The following VANGL2 variants were observed in gnomAD, a reference collection of about 807,000 sequenced individuals.
The protein encoded by VANGL2 is vang-like protein 2.
A neutral mutation model predicts 50.2 loss-of-function variants in VANGL2; 14 were observed. The ratio of observed to expected loss-of-function variants is 0.28; its 90% CI spans 0.18 to 0.44. The LOEUF (loss-of-function observed/expected upper bound fraction) is 0.44. Among genes scored for constraint, VANGL2 ranks in the 20% least tolerant of loss-of-function variants. VANGL2 has a pLI of 1.00. For synonymous variants in VANGL2, 295 were observed against 297.2 expected, an observed-to-expected ratio of 0.99 and a Z score of 0.08; for missense variants, 533 against 701.5, an observed-to-expected ratio of 0.76 and a Z score of 2.71.
In VANGL2 at chr1:160,421,083, T is replaced by G. The variant is rs746290561; in HGVS notation, c.969T>G (p.Ser323=). ...ENSTNNSTGQ[S]RAVIAAAARR... is the part of the protein sequence containing the mutation. ...GCACCAACAACTCCACTGGCCAGTC[T>G]CGGGCTGTGATTGCAGCGGCAGCTC... The change falls in exon 6 of 8, where the codon TCT becomes TCG. Residue 323 remains serine, a synonymous_variant. Transcript: ENST00000368061. 7 of 1,614,164 alleles carry G rather than the reference T, an allele frequency of 4.3e-6. No homozygotes were observed. Among genetic ancestry groups the G allele is most frequent in the Non-Finnish European group, 5.9e-6 (7 of 1,180,030 alleles).
chr1:160,409,366 C>T (rs994252551), intron 1 of VANGL2, among the ~76,000 whole-genome samples: 3 of 152,116 alleles, frequency 2.0e-5, no homozygotes, highest in Admixed American at 6.5e-5. Flanking sequence ...TTGAGGTTGT[C>T]CCTCTAAGGC....
intron 4 of VANGL2, 143 bp from the exon 5 acceptor site, chr1:160,420,268 A>G: frequency 9.1e-7 from 1 of 1,095,418 alleles, no homozygotes. Flanking sequence ...AGTAGACCTC[A>G]GGCCCGGAGT....
At chr1:160,414,331 T>A (rs1172171430) in intron 1 of VANGL2, among the ~76,000 whole-genome samples, 1 of 152,224 alleles carries the variant, frequency 6.6e-6, no homozygotes, top group Non-Finnish European at 1.5e-5. Context: ...CCTTTGTTGG[T>A]TCTTTAAATA....
intron 1 of VANGL2, among the ~76,000 whole-genome samples, chr1:160,413,053 T>G (rs558114365): frequency 7.9e-5 from 12 of 152,200 alleles, no homozygotes; most frequent in Non-Finnish European, 1.8e-4. Context: ...AGGTACATTC[T>G]ATGATGTTCC....
chr1:160,425,199 G>C lies in VANGL2; in HGVS notation c.1387G>C (p.Val463Leu). The change falls in exon 8 of 8, where the codon GTG becomes CTG. Residue 463 changes from valine to leucine, a missense_variant. By Grantham distance (32) the Val-to-Leu change is conservative. Coordinates refer to ENST00000368061, the MANE Select transcript of VANGL2 (RefSeq NM_020335.3). ...CTGGCTGGCCAAACAGTGGACATTG[G>C]TGAGCGAGGAGCCGGTGACCAACGG... is the stretch of plus-strand genomic sequence containing the variant. The part of the protein sequence containing the change: ...ERWLAKQWTL[V>L]SEEPVTNGLK... The C allele has an allele frequency of 1.2e-6, 2 of 1,614,150 alleles. No homozygotes were observed. The highest frequency in any genetic ancestry group is 1.7e-6 in the Non-Finnish European group (2 of 1,180,028).
chr1:160,406,401 G>A (rs1467295313), intron 1 of VANGL2, among the ~76,000 whole-genome samples: 1 of 152,196 alleles, frequency 6.6e-6, no homozygotes, highest in Non-Finnish European at 1.5e-5. Flanking sequence ...GTCAGAGAAC[G>A]ATCTCATCTC....
chr1:160,421,296 G>T (rs1651266172), intron 6 of VANGL2, 109 bp downstream of exon 6: 1 of 1,437,666 alleles, frequency 7.0e-7, no homozygotes, highest in African/African-American at 1.4e-5. Flanking sequence ...GATGACATGA[G>T]TTGGGGGTGT....
chr1:160,403,276 G>A (rs1650544669), intron 1 of VANGL2, among the ~76,000 whole-genome samples: 2 of 151,844 alleles, frequency 1.3e-5, no homozygotes, highest in Non-Finnish European at 2.9e-5. Context: ...TGTTTGCTCT[G>A]TATACGCTGA....
intron 1 of VANGL2, among the ~76,000 whole-genome samples, chr1:160,412,753 T>G (rs1258485631): frequency 6.6e-6 from 1 of 152,236 alleles, no homozygotes; most frequent in African/African-American, 2.4e-5. Context: ...AGATTTCACA[T>G]GCTTTCATCT....
chr1:160,404,852 T>C (rs1477846543), intron 1 of VANGL2, among the ~76,000 whole-genome samples: 2 of 152,178 alleles, frequency 1.3e-5, no homozygotes. Flanking sequence ...GCACTCCTGG[T>C]GGAGGCTGAG....
Position 160,425,484 on chromosome 1 carries a change from CTCT to C in VANGL2, c.*108_*110del. On this transcript the variant is annotated 3_prime_UTR_variant, in exon 8 of 8. Transcript: ENST00000368061. ...ATTCCTGCCACCCTTCTTCTTCTTG[CTCT>C]TTTTTTTTTACTTGAATTAACGCAC... 1 of 948,302 alleles carries C rather than the reference CTCT, an allele frequency of 1.1e-6. No homozygotes were observed. The highest frequency in any genetic ancestry group is 2.8e-5 in the East Asian group (1 of 35,336). 58.7% of individuals were successfully genotyped at this position (948,302 alleles called of 1,614,324 possible).
Position 160,427,254 on chromosome 1 carries a change from G to GC in VANGL2, c.*1878dup, listed in dbSNP as rs1180823894. The GC allele has an allele frequency of 1.3e-5, 2 of 152,716 alleles. No individual in the cohort carries two copies. Among genetic ancestry groups the GC allele is most frequent in the South Asian group, 2.1e-4 (1 of 4,826 alleles). The allele number at this position is 152,716 out of a possible 1,614,324, so 9.5% of individuals were successfully genotyped here. On this transcript the variant is annotated 3_prime_UTR_variant, in exon 8 of 8. Coordinates refer to ENST00000368061, the MANE Select transcript of VANGL2 (RefSeq NM_020335.3). ...ATACCTCACTATCCTGGAAAACAGG[G>GC]CCTGGATGGTGACTGGGGTCATTGC...
At chr1:160,402,267 AG>A (rs1650497893) in intron 1 of VANGL2, among the ~76,000 whole-genome samples, 1 of 152,140 alleles carries the variant, frequency 6.6e-6, no homozygotes, top group Non-Finnish European at 1.5e-5. Flanking sequence ...CCATCGTCAT[AG>A]GCTGGGTTCC....
At chr1:160,404,034 G>A (rs764795855) in intron 1 of VANGL2, among the ~76,000 whole-genome samples, 6 of 152,338 alleles carry the variant, frequency 3.9e-5, no homozygotes, top group East Asian at 1.9e-4. Context: ...GAGAAAGCAC[G>A]TTGCACAGTT....
At chr1:160,402,937 G>C (rs1650525376) in intron 1 of VANGL2, among the ~76,000 whole-genome samples, 1 of 152,104 alleles carries the variant, frequency 6.6e-6, no homozygotes, top group South Asian at 2.1e-4. Context: ...TAAGAGCTGA[G>C]GTGAGATTGT....
rs1468768967 is a variant in VANGL2 at position 160,415,393 on chromosome 1, GC to G, written c.-190-253del. On this transcript the variant is annotated intron_variant, in intron 1 of 7. Transcript: ENST00000368061. ...CTTGGGGTTGGGTCATTCTGGGTGAGCCTTCCTGCCCTGGGAGCCTTTGCTG... is the reference window on the plus strand; with the variant it reads ...CTTGGGGTTGGGTCATTCTGGGTGAGCTTCCTGCCCTGGGAGCCTTTGCTG... Among the ~76,000 whole-genome samples, 5 of 152,234 alleles carry G rather than the reference GC, an allele frequency of 3.3e-5. 1 individual carries two copies. Among genetic ancestry groups the G allele is most frequent in the Admixed American group, 1.3e-4 (2 of 15,290 alleles).
chr1:160,413,117 C>T (rs530437183), intron 1 of VANGL2, among the ~76,000 whole-genome samples: 4 of 152,206 alleles, frequency 2.6e-5, no homozygotes, highest in Non-Finnish European at 2.9e-5. Flanking sequence ...TGTGGTTAAG[C>T]GAGGCATGAC....
chr1:160,409,282 T>C (rs1192031581), intron 1 of VANGL2, among the ~76,000 whole-genome samples: 1 of 152,208 alleles, frequency 6.6e-6, no homozygotes, highest in Non-Finnish European at 1.5e-5. Flanking sequence ...AGGCCAGAAA[T>C]GGGCTGCCGT....
intron 1 of VANGL2, among the ~76,000 whole-genome samples, chr1:160,413,157 C>T (rs1650940034): frequency 6.6e-6 from 1 of 152,170 alleles, no homozygotes; most frequent in South Asian, 2.1e-4. Flanking sequence ...GGTATCAGTT[C>T]CTTGCTCTGT....
Sources: allele counts gnomAD v4.1 joint callset (sites outside exome capture counted in the v4.1 genomes callset), GRCh38; gene constraint gnomAD v4.1.1; transcripts MANE v1.5; gene names NCBI Gene and HGNC (gene_info 2026-07-23, HGNC 2026-07-21).